Variants in VOPP1 observed in about 807,000 individuals in gnomAD.
VOPP1 encodes WW domain binding protein VOPP1.
A neutral mutation model predicts 23.5 loss-of-function variants in VOPP1; 8 were observed. The observed-to-expected ratio is 0.34, with a 90% CI of 0.20 to 0.61. The LOEUF is 0.61. Among genes scored for constraint, VOPP1 ranks in the 20% least tolerant of loss-of-function variants. The probability of loss-of-function intolerance (pLI) is 0.78; values close to 1 mark genes in which losing one functional copy is unlikely to be tolerated. For synonymous variants in VOPP1, 83 were observed against 97.3 expected (o/e 0.85, Z 0.86); for missense variants, 174 against 238.1 (o/e 0.73, Z 1.77).
intron 1 of VOPP1, among the ~76,000 whole-genome samples, chr7:55,563,385 AAG>A (rs1406702903): frequency 2.6e-4 from 39 of 152,358 alleles, no homozygotes; most frequent in African/African-American, 9.4e-4. Context: ...AATACATTAA[AAG>A]AGTGATATTA....
At chr7:55,565,508 C>T (rs1315454118) in intron 1 of VOPP1, among the ~76,000 whole-genome samples, 1 of 151,988 alleles carries the variant, frequency 6.6e-6, no homozygotes, top group East Asian at 1.9e-4. Context: ...GTCCATGGTA[C>T]AAAACAATAT....
intron 4 of VOPP1, among the ~76,000 whole-genome samples, chr7:55,444,980 A>G (rs1476538707): frequency 6.6e-6 from 1 of 152,108 alleles, no homozygotes; most frequent in Non-Finnish European, 1.5e-5. Flanking sequence ...TTTCTCTGAC[A>G]TTTCTTCTTG....
Position 55,539,866 on chromosome 7 carries a change from CAACAT to C in VOPP1, c.55-18741_55-18737del, listed in dbSNP as rs768032164. Among the ~76,000 whole-genome samples the C allele has an allele frequency of 7.3e-5, 11 of 150,480 alleles. 1 individual carries two copies. The highest frequency in any genetic ancestry group is 1.5e-4 in the African/African-American group (6 of 40,998). ...CATACACGCATATTTGTCATACACA[CAACAT>C]AACAAACGGGCGCATAACATAAGCG... On this transcript the variant is annotated intron_variant, in intron 1 of 4. Coordinates refer to ENST00000285279, the MANE Select transcript of VOPP1 (RefSeq NM_030796.5).
chr7:55,500,116 T>C (rs1349366347), intron 2 of VOPP1, among the ~76,000 whole-genome samples: 1 of 152,068 alleles, frequency 6.6e-6, no homozygotes, highest in African/African-American at 2.4e-5. Context: ...ATGGTGAGTT[T>C]AGGAGTGTGG....
intron 4 of VOPP1, among the ~76,000 whole-genome samples, chr7:55,453,837 C>T (rs747989803): frequency 3.3e-5 from 5 of 152,106 alleles, no homozygotes; most frequent in Admixed American, 6.6e-5. Flanking sequence ...AAACTCAATA[C>T]CTACAAAGAG....
intron 1 of VOPP1, chr7:55,571,885 C>T (rs1193917247): frequency 5.4e-6 from 1 of 184,202 alleles, no homozygotes; most frequent in Non-Finnish European, 1.1e-5. Flanking sequence ...CTCTCCGCGC[C>T]TGCGCCGCGC....
At chr7:55,555,843 C>T (rs1562627484) in intron 1 of VOPP1, among the ~76,000 whole-genome samples, 1 of 152,212 alleles carries the variant, frequency 6.6e-6, no homozygotes, top group Admixed American at 6.5e-5. Context: ...ATCATAGAGA[C>T]TGCTTATGCT....
chr7:55,521,625 C>T lies in VOPP1; in HGVS notation c.55-495G>A, dbSNP rs759931931. 1.7e-5 allele frequency: 17 copies of T among 987,264 alleles called. 1 individual carries two copies. The South Asian group carries it at 7.5e-4, about 43-fold the overall frequency. The allele number at this position is 987,264 out of a possible 1,614,324, so 61.2% of individuals were successfully genotyped here. On this transcript the variant is annotated intron_variant, in intron 1 of 4. Transcript: ENST00000285279. ...TCACGGTTCACTCGTTGCCCTCTCA[C>T]GTGCAGGAAGAGAAAGAAGGAACAA...
rs200862659 is a variant in VOPP1, at chr7:55,548,965, CACAGTGAGA to C, written c.54+23297_54+23305del. ...ATATCTAGGAAGAGCCCAGGGTGAC[CACAGTGAGA>C]CTGGCCATCTGGAGGCACGGGGCCT... On this transcript the variant is annotated intron_variant, in intron 1 of 4. Coordinates refer to ENST00000285279, the MANE Select transcript of VOPP1 (RefSeq NM_030796.5). Among the ~76,000 whole-genome samples the C allele has an allele frequency of 2.8e-4, 43 of 152,236 alleles. No individual in the cohort carries two copies. The East Asian group carries it at 6.4e-3, about 23-fold the overall frequency.
At chr7:55,453,924 T>A (rs974954062) in intron 4 of VOPP1, among the ~76,000 whole-genome samples, 1 of 152,228 alleles carries the variant, frequency 6.6e-6, no homozygotes, top group African/African-American at 2.4e-5. Context: ...TCTTTTTTGG[T>A]TATTTTATTA....
intron 1 of VOPP1, among the ~76,000 whole-genome samples, chr7:55,531,238 T>C (rs1469855620): frequency 1.3e-5 from 2 of 152,252 alleles, no homozygotes; most frequent in Admixed American, 6.5e-5. Context: ...AGTGCTACTG[T>C]TATCTGCTGG....
intron 1 of VOPP1, among the ~76,000 whole-genome samples, chr7:55,570,310 A>G (rs1432642081): frequency 6.6e-6 from 1 of 152,230 alleles, no homozygotes; most frequent in Non-Finnish European, 1.5e-5. Context: ...GGTGGTACTT[A>G]GGATAATCAT....
chr7:55,506,339 C>T (rs1201201745), intron 2 of VOPP1, among the ~76,000 whole-genome samples: 1 of 152,228 alleles, frequency 6.6e-6, no homozygotes, highest in Non-Finnish European at 1.5e-5. Flanking sequence ...ATGTATTACT[C>T]ATCACCATTT....
chr7:55,465,334 T>C (rs1791606628), intron 4 of VOPP1, among the ~76,000 whole-genome samples: 1 of 152,244 alleles, frequency 6.6e-6, no homozygotes, highest in East Asian at 1.9e-4. Context: ...CTATCTCTGA[T>C]TGGCTCAACA....
At position 55,512,381 on chromosome 7, in the gene VOPP1, G is replaced by C. The variant is rs139488547; in HGVS notation, c.113+8691C>G. ...GCGGAGGTTGCAGTGAGCCGAGATC[G>C]TGCCACTGCATTCCAGCCTGGGCAA... On this transcript the variant is annotated intron_variant, in intron 2 of 4. Transcript: ENST00000285279. Among the ~76,000 whole-genome samples the C allele has an allele frequency of 1.1e-3, 170 of 152,114 alleles. 1 individual carries two copies. The highest frequency in any genetic ancestry group is 3.5e-3 in the African/African-American group (146 of 41,510).
intron 4 of VOPP1, among the ~76,000 whole-genome samples, chr7:55,463,971 A>C (rs1445507425): frequency 3.9e-5 from 6 of 152,130 alleles, no homozygotes; most frequent in African/African-American, 1.4e-4. Context: ...CAGCAGGTGG[A>C]GTGGATTGAT....
At chr7:55,508,444 T>C (rs1332712386) in intron 2 of VOPP1, among the ~76,000 whole-genome samples, 1 of 152,108 alleles carries the variant, frequency 6.6e-6, no homozygotes, top group Non-Finnish European at 1.5e-5. Context: ...ATTACAAAAA[T>C]TTTTTCTACA....
chr7:55,561,238 C>A (rs1797974789), intron 1 of VOPP1, among the ~76,000 whole-genome samples: 1 of 152,138 alleles, frequency 6.6e-6, no homozygotes, highest in Admixed American at 6.5e-5. Flanking sequence ...CCTTTCCCCA[C>A]TGAACTTCAA....
chr7:55,552,705 C>A (rs73141718), intron 1 of VOPP1: 158,291 of 1,535,680 alleles, frequency 0.1, 9,610 homozygotes, highest in East Asian at 0.28. Context: ...GGAGCCCCAG[C>A]CCCTCCGAAG....
Sources: gnomAD v4.1 joint callset for allele counts (sites outside exome capture counted in the v4.1 genomes callset) on GRCh38, gnomAD v4.1.1 for gene constraint, MANE v1.5 for transcripts, NCBI Gene and HGNC (gene_info 2026-07-23, HGNC 2026-07-21) for gene names.